LMO7: variants seen among roughly 807,000 people sequenced by gnomAD.
LMO7 encodes the protein LIM domain only protein 7.
A neutral mutation model predicts 206.5 loss-of-function variants in LMO7; 120 were observed. The observed-to-expected ratio is 0.58, with a 90% CI of 0.50 to 0.68. The LOEUF is 0.68. LMO7 is among the 30% of genes least tolerant of loss of function. The pLI is 0.00. For missense variants in LMO7, 1,959 were observed against 1,957.9 expected (o/e 1.00, Z -0.01); for synonymous variants, 706 against 681.5 (o/e 1.04, Z -0.56).
chr13:75,652,638 T>TGA (rs1443319336), intron 1 of LMO7, among the ~76,000 whole-genome samples: 3 of 151,696 alleles, frequency 2.0e-5, no homozygotes, highest in Admixed American at 6.6e-5. Flanking sequence ...TGTGTGTGTG[T>TGA]GTGTGTGTGT....
intron 7 of LMO7, 76 bp downstream of exon 7, chr13:75,800,958 T>C: frequency 1.4e-6 from 2 of 1,451,288 alleles, no homozygotes; most frequent in Non-Finnish European, 1.9e-6. Context: ...AATAGAAAAA[T>C]GGAGCAAAAA....
intron 1 of LMO7, among the ~76,000 whole-genome samples, chr13:75,646,059 T>C (rs1285678499): frequency 1.3e-5 from 2 of 152,216 alleles, no homozygotes; most frequent in African/African-American, 4.8e-5. Flanking sequence ...AGCAAAACTC[T>C]TAGTACTACC....
chr13:75,739,949 T>G (rs1216994157), intron 3 of LMO7, among the ~76,000 whole-genome samples: 5 of 152,150 alleles, frequency 3.3e-5, no homozygotes, highest in African/African-American at 1.2e-4. Flanking sequence ...GACAGAGTAC[T>G]TTTTTGGGGA....
chr13:75,771,215 A>G (rs1234809391), intron 4 of LMO7, among the ~76,000 whole-genome samples: 1 of 152,002 alleles, frequency 6.6e-6, no homozygotes, highest in African/African-American at 2.4e-5. Context: ...CATTTATTTG[A>G]TTTTTTTAAG....
intron 4 of LMO7, chr13:75,788,767 A>G (rs78605856): frequency 0.01 from 1,544 of 152,366 alleles, 25 homozygotes; most frequent in East Asian, 0.068. Flanking sequence ...CTCTTCTAAT[A>G]TCAGTCCAGT....
Position 75,840,427 on chromosome 13 carries a change from G to A in LMO7, c.3514G>A (p.Val1172Met), listed in dbSNP as rs1443025504. The part of the protein sequence containing the change: ...VPTISAPSRW[V>M]WDQEEERKRQ... ...AACCATCAGTGCCCCGAGTCGCTGG[G>A]TGTGGGATCAAGAGGAGGAGCGGAA... is the stretch of plus-strand genomic sequence containing the variant. The change falls in exon 22 of 31, where the codon GTG becomes ATG. Residue 1172 changes from valine to methionine, a missense_variant. By Grantham distance (21) the Val-to-Met change is conservative. Coordinates refer to ENST00000377534, the MANE Select transcript of LMO7 (RefSeq NM_001306080.2). 2.5e-6 allele frequency: 4 copies of A among 1,614,090 alleles called. No homozygotes were observed. Among genetic ancestry groups the A allele is most frequent in the East Asian group, 2.2e-5 (1 of 44,874 alleles).
At chr13:75,716,796 A>G (rs1269918843) in intron 2 of LMO7, among the ~76,000 whole-genome samples, 2 of 152,106 alleles carry the variant, frequency 1.3e-5, no homozygotes, top group African/African-American at 4.8e-5. Context: ...CTCCTTTCCA[A>G]ACATATTTGG....
At chr13:75,698,486 C>G (rs1272506113) in intron 1 of LMO7, among the ~76,000 whole-genome samples, 1 of 151,906 alleles carries the variant, frequency 6.6e-6, no homozygotes, top group African/African-American at 2.4e-5. Context: ...GATGGCTTCT[C>G]ACTATGTTGC....
At chr13:75,856,358 A>G in intron 29 of LMO7, 148 bp from the exon 30 acceptor site, 1 of 537,828 alleles carries the variant, frequency 1.9e-6, no homozygotes. Flanking sequence ...TGAATCTACT[A>G]ATCATCTTTC....
At chr13:75,812,880 A>T (rs77526453) in intron 11 of LMO7, among the ~76,000 whole-genome samples, 1 of 152,252 alleles carries the variant, frequency 6.6e-6, no homozygotes, top group African/African-American at 2.4e-5. Context: ...TTGCCAGCTA[A>T]TCATCCTTCA....
At chr13:75,849,497 T>TTC (rs2060301980) in intron 27 of LMO7, among the ~76,000 whole-genome samples, 3 of 145,140 alleles carry the variant, frequency 2.1e-5, no homozygotes, top group Non-Finnish European at 4.6e-5. Flanking sequence ...GTTTTTTTTT[T>TTC]TTCTTTTTTT....
Position 75,650,867 on chromosome 13 carries a change from T to TA in LMO7, c.69+14142dup, listed in dbSNP as rs2037488466. ...TCTTACTAATTTAGGTCTTCTGCTG[T>TA]ATTTAGTTTGGAGGAGTCAACTTTA... is the stretch of plus-strand genomic sequence containing the variant. On this transcript the variant is annotated intron_variant, in intron 1 of 30. Coordinates refer to ENST00000377534, the MANE Select transcript of LMO7 (RefSeq NM_001306080.2). 3.9e-5 allele frequency among the ~76,000 whole-genome samples: 6 copies of TA among 152,346 alleles called. No homozygotes were observed. The South Asian group carries it at 1.2e-3, about 32-fold the overall frequency.
At position 75,853,406 on chromosome 13, in the gene LMO7, T is replaced by C. The variant is rs555915812; in HGVS notation, c.4661+18T>C. The C allele has an allele frequency of 1.3e-6, 2 of 1,535,856 alleles. No individual in the cohort carries two copies. The highest frequency in any genetic ancestry group is 1.8e-6 in the Non-Finnish European group (2 of 1,140,056). ...CGTAACAGGTGAGGCCCTTGCTGTTTCTCTTTCTTCTCTTAGTCTTGGGTA... is the reference window on the plus strand; with the variant it reads ...CGTAACAGGTGAGGCCCTTGCTGTTCCTCTTTCTTCTCTTAGTCTTGGGTA... On this transcript the variant is annotated intron_variant, in intron 28 of 30. Transcript: ENST00000377534.
chr13:75,761,168 C>T, intron 4 of LMO7, 130 bp downstream of exon 4: 1 of 629,872 alleles, frequency 1.6e-6, no homozygotes, highest in African/African-American at 1.8e-5. Flanking sequence ...TTCCTCTGTT[C>T]TCATTCTAAA....
intron 1 of LMO7, among the ~76,000 whole-genome samples, chr13:75,682,170 A>G (rs1361176624): frequency 6.6e-6 from 1 of 152,220 alleles, no homozygotes; most frequent in African/African-American, 2.4e-5. Context: ...TTAAAATTTT[A>G]GCCATTCTTA....
At chr13:75,709,469 G>T (rs2138037727) in intron 1 of LMO7, among the ~76,000 whole-genome samples, 1 of 151,850 alleles carries the variant, frequency 6.6e-6, no homozygotes, top group African/African-American at 2.4e-5. Context: ...GTTGTTTCCT[G>T]ACTTTTTAAT....
Position 75,732,675 on chromosome 13 carries a change from C to T in LMO7, c.210+5577C>T, listed in dbSNP as rs372910838. 5.1e-4 allele frequency among the ~76,000 whole-genome samples: 78 copies of T among 152,292 alleles called. No homozygotes were observed. In the East Asian group the frequency reaches 8.3e-3, roughly 16 times the overall value. ...TTGTTCCATTGCTGGTGAGGAACTG[C>T]GTTTCTTTGGAGGAGGAGAGGCGCT... On this transcript the variant is annotated intron_variant, in intron 3 of 30. Coordinates refer to ENST00000377534, the MANE Select transcript of LMO7 (RefSeq NM_001306080.2).
At chr13:75,778,104 A>G (rs1259392934) in intron 4 of LMO7, among the ~76,000 whole-genome samples, 1 of 152,222 alleles carries the variant, frequency 6.6e-6, no homozygotes, top group African/African-American at 2.4e-5. Context: ...ACTTATTTTA[A>G]CCTTCTAAAT....
chr13:75,657,510 C>T (rs1297354599), intron 1 of LMO7, among the ~76,000 whole-genome samples: 1 of 152,102 alleles, frequency 6.6e-6, no homozygotes, highest in East Asian at 1.9e-4. Context: ...TCCTGAACTA[C>T]TTTGAACAAA....
Sources: allele counts gnomAD v4.1 joint callset (sites outside exome capture counted in the v4.1 genomes callset), GRCh38; gene constraint gnomAD v4.1.1; transcripts MANE v1.5; gene names NCBI Gene and HGNC (gene_info 2026-07-23, HGNC 2026-07-21).